LRRFIP1: variants seen among roughly 807,000 people sequenced by gnomAD.
The protein encoded by LRRFIP1 is leucine-rich repeat flightless-interacting protein 1.
In LRRFIP1, 62 loss-of-function variants were observed where a neutral mutation model predicts 104.4. That is an observed-to-expected ratio of 0.59 (90% confidence interval 0.48 to 0.73). The LOEUF (loss-of-function observed/expected upper bound fraction) is 0.73. Ranked by LOEUF, LRRFIP1 falls within the 30% of genes least tolerant of loss-of-function variation. The pLI, the probability that LRRFIP1 is intolerant of heterozygous loss-of-function variation, is 0.00. For missense variants in LRRFIP1, 796 were observed against 824.5 expected (o/e 0.97, Z 0.42); for synonymous variants, 300 against 299.0 (o/e 1.00, Z -0.03).
At chr2:237,659,853 G>C (rs2087535785) in intron 1 of LRRFIP1, among the ~76,000 whole-genome samples, 1 of 149,942 alleles carries the variant, frequency 6.7e-6, no homozygotes, top group African/African-American at 2.5e-5. Flanking sequence ...TACCCAGCCT[G>C]GTGTCAAACT....
rs1317954599 is a variant in LRRFIP1, at chr2:237,780,349, GA to G, written c.*819del. The G allele has an allele frequency of 1.3e-5, 2 of 152,096 alleles. No individual in the cohort carries two copies. The highest frequency in any genetic ancestry group is 1.9e-4 in the East Asian group (1 of 5,194). 9.4% of individuals were successfully genotyped at this position (152,096 alleles called of 1,614,324 possible). On this transcript the variant is annotated 3_prime_UTR_variant, in exon 24 of 24. Coordinates refer to ENST00000308482, the MANE Select transcript of LRRFIP1 (RefSeq NM_001137550.2). ...GTTCTAATTTTTTTCCACTGAGAAA[GA>G]AGATCTTTAATTTCATATTAATGGT...
At chr2:237,708,309 A>G (rs970347683) in intron 1 of LRRFIP1, among the ~76,000 whole-genome samples, 29 of 152,388 alleles carry the variant, frequency 1.9e-4, no homozygotes, top group Middle Eastern at 3.4e-3. Flanking sequence ...CATCATATCC[A>G]TAAAGCTCTT....
chr2:237,731,679 G>A (rs1183475924), intron 8 of LRRFIP1, among the ~76,000 whole-genome samples: 1 of 152,162 alleles, frequency 6.6e-6, no homozygotes, highest in Non-Finnish European at 1.5e-5. Context: ...TGAGTTACTT[G>A]CTCTAAAATA....
Position 237,779,447 on chromosome 2 carries a change from A to G in LRRFIP1, c.1838A>G (p.Glu613Gly). 6.2e-7 allele frequency: 1 copy of G among 1,613,744 alleles called. No individual in the cohort carries two copies. Among genetic ancestry groups the G allele is most frequent in the East Asian group, 2.2e-5 (1 of 44,882 alleles). The change falls in exon 24 of 24, where the codon GAA becomes GGA. Residue 613 changes from glutamate to glycine, a missense_variant. Transcript: ENST00000308482. ...RELRSALDKT[E>G]ELEVSNGHLV... ...CTCCGCTCTGCATTGGATAAAACAG[A>G]AGAGCTCGAGGTGAGCAACGGCCAC...
intron 19 of LRRFIP1, chr2:237,763,106 G>C (rs2060035068): frequency 3.7e-6 from 6 of 1,614,212 alleles, no homozygotes; most frequent in Non-Finnish European, 5.1e-6. Flanking sequence ...CCAAGAGTTA[G>C]AGACAAGCAC....
intron 19 of LRRFIP1, 61 bp downstream of exon 19, chr2:237,760,266 A>G (rs1446298918): frequency 8.2e-6 from 13 of 1,582,182 alleles, no homozygotes; most frequent in Non-Finnish European, 1.0e-5. Context: ...TTCACCCTCC[A>G]TGCACTGCTG....
In LRRFIP1 at chr2:237,661,963, T is replaced by G. The variant is rs907597093; in HGVS notation, c.96+34223T>G. 6.6e-6 allele frequency among the ~76,000 whole-genome samples: 1 copy of G among 152,180 alleles called. No homozygotes were observed. Among genetic ancestry groups the G allele is most frequent in the African/African-American group, 2.4e-5 (1 of 41,446 alleles). ...ACCCATGACAGCATGCAGGTGTTGG[T>G]CTGTAGGGATGCCATAACAAAGTGC... On this transcript the variant is annotated intron_variant, in intron 1 of 23. Transcript: ENST00000308482. This position sits in a 1 kb window ranked among gnomAD's most constrained non-coding sequence, Gnocchi z 4.4.
At chr2:237,692,747 C>G (rs2092902860) in intron 1 of LRRFIP1, among the ~76,000 whole-genome samples, 1 of 152,196 alleles carries the variant, frequency 6.6e-6, no homozygotes, top group Admixed American at 6.5e-5. Flanking sequence ...TGTGGGACGC[C>G]ACCTCCAAGG....
chr2:237,690,905 G>A (rs1442486106), intron 1 of LRRFIP1, among the ~76,000 whole-genome samples: 1 of 152,114 alleles, frequency 6.6e-6, no homozygotes. Context: ...TTCATCTTAA[G>A]TTCAACGTTT....
chr2:237,718,141 G>A (rs758633716), intron 4 of LRRFIP1, among the ~76,000 whole-genome samples: 6 of 152,232 alleles, frequency 3.9e-5, no homozygotes, highest in Admixed American at 6.5e-5. Flanking sequence ...ACCAGGACTC[G>A]GGCTGGGCAT....
chr2:237,685,496 G>C (rs1296773908), intron 1 of LRRFIP1, among the ~76,000 whole-genome samples: 6 of 152,032 alleles, frequency 3.9e-5, no homozygotes. Context: ...TTCAATATTG[G>C]GTCCTCCTGC....
chr2:237,774,257 C>G lies in LRRFIP1; in HGVS notation c.1708-101C>G, dbSNP rs1005592677. On this transcript the variant is annotated intron_variant, in intron 22 of 23. Transcript: ENST00000308482. Reference sequence around the variant, plus strand: ...TATAAGTATTTACATGGTGTATTCTCCCATTTTATTAAATCACACTCTTTG... The same window carrying G: ...TATAAGTATTTACATGGTGTATTCTGCCATTTTATTAAATCACACTCTTTG... 1.3e-5 allele frequency: 9 copies of G among 708,106 alleles called. No homozygotes were observed. In the African/African-American group the frequency reaches 1.6e-4, roughly 13 times the overall value. The allele number at this position is 708,106 out of a possible 1,614,324, so 43.9% of individuals were successfully genotyped here. A position where few individuals can be genotyped will look rare whatever the true frequency, so the allele number is the denominator to read the frequency against.
At chr2:237,682,656 C>T (rs74922901) in intron 1 of LRRFIP1, among the ~76,000 whole-genome samples, 3,398 of 152,306 alleles carry the variant, frequency 0.022, 59 homozygotes, top group Non-Finnish European at 0.038. Context: ...CTTGGTGTGA[C>T]CACACCACAT....
intron 8 of LRRFIP1, among the ~76,000 whole-genome samples, chr2:237,732,261 A>T (rs1351459691): frequency 6.6e-6 from 1 of 151,860 alleles, no homozygotes; most frequent in Non-Finnish European, 1.5e-5. Context: ...CACTGGACTG[A>T]TGTACCTTTG....
Position 237,749,322 on chromosome 2 carries a change from A to C in LRRFIP1, c.793A>C (p.Lys265Gln). 7 of 1,613,542 alleles carry C rather than the reference A, an allele frequency of 4.3e-6. No individual in the cohort carries two copies. In the African/African-American group the frequency reaches 9.3e-5, roughly 22 times the overall value. The part of the protein sequence containing the change: ...IDTEASIREI[K>Q]ELNELKDQIQ... ...CACCGAGGCATCCATCAGGGAAATC[A>C]AGGTGAGATGCTCTCTTCTTACTGA... The change falls in exon 13 of 24, where the codon AAG (lysine) becomes CAG (glutamine). Residue 265 changes from lysine to glutamine, a missense_variant and splice_region_variant. By Grantham distance (53) the Lys-to-Gln change is moderately conservative. Coordinates refer to ENST00000308482, the MANE Select transcript of LRRFIP1 (RefSeq NM_001137550.2).
chr2:237,778,399 G>A (rs1048747490), intron 23 of LRRFIP1, among the ~76,000 whole-genome samples: 1 of 152,176 alleles, frequency 6.6e-6, no homozygotes, highest in African/African-American at 2.4e-5. Context: ...CCTGCTGCCT[G>A]TGGGTCCAGA....
intron 7 of LRRFIP1, among the ~76,000 whole-genome samples, chr2:237,724,843 A>G (rs906344124): frequency 6.6e-6 from 1 of 152,214 alleles, no homozygotes; most frequent in African/African-American, 2.4e-5. Flanking sequence ...TTAAAATTCA[A>G]TAGAATGCAT....
rs1392661336 is a variant in LRRFIP1, at chr2:237,680,620, A to T, written c.97-27924A>T. The stretch of plus-strand genomic sequence containing the variant: ...TAGAACCAATGCCCCTTGAATACCG[A>T]GGGACAACTGCATAATGCATTTCAA... On this transcript the variant is annotated intron_variant, in intron 1 of 23. Transcript: ENST00000308482. Among the ~76,000 whole-genome samples the T allele has an allele frequency of 2.6e-5, 4 of 152,330 alleles. No individual in the cohort carries two copies. In the East Asian group the frequency reaches 7.7e-4, roughly 29 times the overall value.
rs536991987 is a variant in LRRFIP1, at chr2:237,690,282, T to C, written c.97-18262T>C. Among the ~76,000 whole-genome samples, 40 of 152,248 alleles carry C rather than the reference T, an allele frequency of 2.6e-4. No homozygotes were observed. The South Asian group carries it at 7.9e-3, about 30-fold the overall frequency. ...GAATCTGCCTATCTAGATCAGAATA[T>C]TCAAAATCAAGTCTCAGAAGAAGAG... On this transcript the variant is annotated intron_variant, in intron 1 of 23. Transcript: ENST00000308482.
Sources: allele counts gnomAD v4.1 joint callset (sites outside exome capture counted in the v4.1 genomes callset), GRCh38; gene constraint gnomAD v4.1.1; non-coding constraint Gnocchi (gnomAD v3.1); transcripts MANE v1.5; gene names NCBI Gene and HGNC (gene_info 2026-07-23, HGNC 2026-07-21).